The following C5 variants were observed in gnomAD, a reference collection of about 807,000 sequenced individuals.
C5 encodes the protein complement C5.
A neutral mutation model predicts 218.8 loss-of-function variants in C5; 140 were observed. That is an observed-to-expected ratio of 0.64 (90% confidence interval 0.56 to 0.74). C5 has a LOEUF of 0.74. C5 is among the 30% of genes least tolerant of loss of function. C5 has a pLI of 0.00. For missense variants in C5, 1,700 were observed against 1,969.6 expected (o/e 0.86, Z 2.59); for synonymous variants, 614 against 682.3 (o/e 0.90, Z 1.56).
intron 34 of C5, 72 bp downstream of exon 34, chr9:120,963,564 T>TA (rs1352262965): frequency 8.8e-7 from 1 of 1,139,580 alleles, no homozygotes; most frequent in Non-Finnish European, 1.3e-6. Context: ...TGAAAGAAAG[T>TA]AAAATTGTCT....
At chr9:120,966,102 T>C (rs919959801) in intron 33 of C5, among the ~76,000 whole-genome samples, 2 of 152,232 alleles carry the variant, frequency 1.3e-5, no homozygotes, top group Non-Finnish European at 2.9e-5. Flanking sequence ...AAGAAGTTCC[T>C]ACATGAATAA....
intron 24 of C5, among the ~76,000 whole-genome samples, 164 bp from the exon 25 acceptor site, chr9:120,989,285 C>T (rs1299294351): frequency 6.6e-6 from 1 of 152,064 alleles, no homozygotes; most frequent in African/African-American, 2.4e-5. Context: ...ATGAATTGCT[C>T]GAATTGGGAA....
At chr9:120,967,998 C>T (rs2046881942) in intron 33 of C5, among the ~76,000 whole-genome samples, 1 of 152,058 alleles carries the variant, frequency 6.6e-6, no homozygotes, top group Non-Finnish European at 1.5e-5. Flanking sequence ...GTTGGGATTA[C>T]AGTATGAGCC....
chr9:121,002,262 GTA>G (rs1378580821), intron 20 of C5, among the ~76,000 whole-genome samples: 7,142 of 91,932 alleles, frequency 0.078, 517 homozygotes, highest in East Asian at 0.29. Context: ...ATGTATATAT[GTA>G]TATATATGTA....
At chr9:121,059,125 T>C in the C5 span, among the ~76,000 whole-genome samples, 2 of 152,234 alleles carry the variant, frequency 1.3e-5, no homozygotes, top group Non-Finnish European at 2.9e-5. The surrounding 1 kb of genome is among the most constrained non-coding windows in gnomAD (Gnocchi z 4.1). Context: ...AGGAAGCCAT[T>C]GCTTAAACTA....
intron 20 of C5, among the ~76,000 whole-genome samples, chr9:121,003,307 A>G (rs1418972347): frequency 6.6e-6 from 1 of 152,076 alleles, no homozygotes; most frequent in Non-Finnish European, 1.5e-5. Context: ...AGAAAAAAAA[A>G]AAAGATAATA....
chr9:120,970,664 G>A (rs1286194707), intron 31 of C5, among the ~76,000 whole-genome samples: 2 of 152,198 alleles, frequency 1.3e-5, no homozygotes, highest in African/African-American at 2.4e-5. Context: ...TGTATGAATG[G>A]GCAGAGGTGC....
intron 20 of C5, among the ~76,000 whole-genome samples, chr9:121,002,103 C>T (rs1323516005): frequency 6.7e-6 from 1 of 149,538 alleles, no homozygotes; most frequent in Non-Finnish European, 1.5e-5. Context: ...GGTGGAAACA[C>T]AAATTGCTGA....
chr9:121,013,597 A>G (rs921692157), intron 17 of C5, among the ~76,000 whole-genome samples: 1 of 152,188 alleles, frequency 6.6e-6, no homozygotes, highest in African/African-American at 2.4e-5. Context: ...AGCTCCTTGC[A>G]TGAGGCTCAG....
chr9:121,032,152 A>G lies in C5; in HGVS notation c.628T>C (p.Ser210Pro). 6.2e-7 allele frequency: 1 copy of G among 1,608,938 alleles called. No individual in the cohort carries two copies. The highest frequency in any genetic ancestry group is 8.5e-7 in the Non-Finnish European group (1 of 1,175,386). ...TIKAKYKEDF[S>P]TTGTAYFEVK... ...TCAAAATATGCGGTTCCAGTTGTTGAAAAGTCCTCTTTATATTTAGCCTTG... is the reference window on the plus strand; with the variant it reads ...TCAAAATATGCGGTTCCAGTTGTTGGAAAGTCCTCTTTATATTTAGCCTTG... Residue 210 changes from serine (S) to proline (P), a missense_variant, in exon 6 of 41, where the codon TCA becomes CCA. Physicochemically the swap from Ser to Pro is moderately conservative, Grantham distance 74 (BLOSUM62 -1). Coordinates refer to ENST00000223642, the MANE Select transcript of C5 (RefSeq NM_001735.3).
chr9:120,975,014 T>C, intron 29 of C5, 83 bp from the exon 30 acceptor site: 1 of 1,469,570 alleles, frequency 6.8e-7, no homozygotes, highest in Non-Finnish European at 9.5e-7. Flanking sequence ...TATGAGAGGG[T>C]AGGGCAGCAT....
At chr9:121,058,597 C>A in the C5 span, among the ~76,000 whole-genome samples, 1 of 152,108 alleles carries the variant, frequency 6.6e-6, no homozygotes, top group Non-Finnish European at 1.5e-5. Flanking sequence ...AGCCACCATG[C>A]CTGGCTAATT....
chr9:120,963,132 C>G (rs1046584802), intron 34 of C5, among the ~76,000 whole-genome samples, 165 bp from the exon 35 acceptor site: 1 of 152,194 alleles, frequency 6.6e-6, no homozygotes, highest in African/African-American at 2.4e-5. Context: ...AGCATATAAA[C>G]TCATATTTTA....
In C5 at chr9:121,014,036, A is replaced by T; in HGVS notation, c.2094T>A (p.Cys698Ter). The change falls in exon 17 of 41, where the codon TGT becomes TGA. Residue 698 changes from cysteine (C) to a stop codon, truncating the protein, a stop_gained. Coordinates refer to ENST00000223642, the MANE Select transcript of C5 (RefSeq NM_001735.3). LOFTEE classifies it high-confidence loss of function. ...AKYKHSVVKK[C>*]CYDGACVNND... Reference sequence around the variant, plus strand: ...TATTAACGCAGGCTCCATCGTAACAACATTTCTTCACTACTGAATGTTTAT... The same window carrying T: ...TATTAACGCAGGCTCCATCGTAACATCATTTCTTCACTACTGAATGTTTAT... 6.2e-7 allele frequency: 1 copy of T among 1,614,134 alleles called. No individual in the cohort carries two copies. The highest frequency in any genetic ancestry group is 8.5e-7 in the Non-Finnish European group (1 of 1,180,014).
intron 20 of C5, among the ~76,000 whole-genome samples, chr9:120,998,023 G>A (rs1025772279): frequency 3.9e-5 from 6 of 152,128 alleles, no homozygotes; most frequent in Admixed American, 1.3e-4. Flanking sequence ...GGCTGATCTC[G>A]AACTCCTGAT....
intron 20 of C5, 55 bp from the exon 21 acceptor site, chr9:120,997,829 G>C (rs10985118): frequency 0.45 from 661,922 of 1,471,036 alleles, 155,098 homozygotes; most frequent in South Asian, 0.64. Flanking sequence ...TTGAGACAGA[G>C]TCTTGCTATG....
At chr9:121,065,825 A>G in the C5 span, among the ~76,000 whole-genome samples, 1 of 152,182 alleles carries the variant, frequency 6.6e-6, no homozygotes, top group Non-Finnish European at 1.5e-5. Context: ...TATAATTTTT[A>G]ATAAAAGGGT....
At chr9:120,995,829 T>TA (rs956781030) in intron 22 of C5, among the ~76,000 whole-genome samples, 8 of 151,202 alleles carry the variant, frequency 5.3e-5, no homozygotes, top group Non-Finnish European at 1.0e-4. Flanking sequence ...ACTTTTTTTT[T>TA]TTTTTTTTTG....
intron 35 of C5, 51 bp downstream of exon 35, chr9:120,962,842 T>C: frequency 6.2e-7 from 1 of 1,602,260 alleles, no homozygotes; most frequent in Non-Finnish European, 8.6e-7. Context: ...TTTTAGCCTG[T>C]ATATTTTGAA....
Sources: allele counts gnomAD v4.1 joint callset (sites outside exome capture counted in the v4.1 genomes callset), GRCh38; gene constraint gnomAD v4.1.1; non-coding constraint Gnocchi (gnomAD v3.1); transcripts MANE v1.5; gene names NCBI Gene and HGNC (gene_info 2026-07-23, HGNC 2026-07-21).